ITPR1: variants seen among roughly 807,000 people sequenced by gnomAD.
ITPR1 encodes the protein inositol 1,4,5-trisphosphate receptor type 1.
ITPR1 carries 96 observed loss-of-function variants against 318.4 expected under a neutral mutation model. The observed-to-expected ratio is 0.30, with a 90% confidence interval of 0.26 to 0.36. ITPR1 has a LOEUF of 0.36. Among genes scored for constraint, ITPR1 ranks in the 10% least tolerant of loss-of-function variants. ITPR1 has a pLI of 1.00. For synonymous variants in ITPR1, 1,312 were observed against 1,289.9 expected, an observed-to-expected ratio of 1.02 and a Z score of -0.37; for missense variants, 2,440 against 3,460.2, an observed-to-expected ratio of 0.71 and a Z score of 7.40.
At chr3:4,740,872 G>A (rs990091516) in intron 44 of ITPR1, among the ~76,000 whole-genome samples, 8 of 152,278 alleles carry the variant, frequency 5.3e-5, no homozygotes, top group African/African-American at 2.4e-5. Flanking sequence ...GAGAACTTCC[G>A]GCTTTCTTTC....
chr3:4,695,267 T>C (rs2094540012), intron 33 of ITPR1, among the ~76,000 whole-genome samples: 1 of 152,236 alleles, frequency 6.6e-6, no homozygotes, highest in Admixed American at 6.5e-5. Flanking sequence ...ATCTGGCAGG[T>C]GAAAATGGTC....
intron 4 of ITPR1, among the ~76,000 whole-genome samples, chr3:4,529,170 ACCT>A (rs2083217197): frequency 2.0e-5 from 3 of 152,256 alleles, no homozygotes; most frequent in Admixed American, 1.3e-4. Flanking sequence ...TTTTTTGCAT[ACCT>A]GAGTCACCCT....
chr3:4,586,017 G>A (rs2089862410), intron 4 of ITPR1, among the ~76,000 whole-genome samples: 1 of 150,928 alleles, frequency 6.6e-6, no homozygotes, highest in African/African-American at 2.4e-5. Flanking sequence ...AGAACATGTA[G>A]TGTTTGGTTT....
chr3:4,840,022 A>G (rs1174436592), intron 61 of ITPR1, among the ~76,000 whole-genome samples: 1 of 122,618 alleles, frequency 8.2e-6, no homozygotes, highest in Non-Finnish European at 1.7e-5. Flanking sequence ...AAAATTCAGC[A>G]TAGCTGCTTT....
intron 38 of ITPR1, among the ~76,000 whole-genome samples, chr3:4,711,358 C>G (rs1433339643): frequency 2.0e-5 from 3 of 152,060 alleles, no homozygotes; most frequent in African/African-American, 7.2e-5. Flanking sequence ...GTGTATTGGC[C>G]TCAACCATCA....
intron 11 of ITPR1, among the ~76,000 whole-genome samples, chr3:4,652,989 A>G (rs2093630514): frequency 6.6e-6 from 1 of 152,170 alleles, no homozygotes; most frequent in African/African-American, 2.4e-5. Flanking sequence ...CTCTGTCTCA[A>G]AAAAAATGTC....
intron 4 of ITPR1, among the ~76,000 whole-genome samples, chr3:4,535,643 C>T (rs887232232): frequency 6.6e-6 from 1 of 151,590 alleles, no homozygotes; most frequent in African/African-American, 2.4e-5. Flanking sequence ...GACGGGGTTT[C>T]ACTGTGTTAG....
chr3:4,823,618 T>C (rs561039167), intron 60 of ITPR1, among the ~76,000 whole-genome samples: 4 of 151,818 alleles, frequency 2.6e-5, no homozygotes, highest in African/African-American at 9.7e-5. Flanking sequence ...AAAAACAAAA[T>C]TGATCACGTG....
intron 4 of ITPR1, among the ~76,000 whole-genome samples, chr3:4,572,159 A>G (rs543528169): frequency 6.6e-6 from 1 of 152,176 alleles, no homozygotes; most frequent in Non-Finnish European, 1.5e-5. Context: ...CTGATGACTC[A>G]TAAGTTTCTG....
chr3:4,587,265 C>T (rs1470508247), intron 4 of ITPR1, among the ~76,000 whole-genome samples: 3 of 145,182 alleles, frequency 2.1e-5, no homozygotes, highest in African/African-American at 5.2e-5. Context: ...GTTCACACTT[C>T]TCATGGTTTT....
At chr3:4,558,833 CTTTTTT>C (rs139536328) in intron 4 of ITPR1, among the ~76,000 whole-genome samples, 1 of 147,016 alleles carries the variant, frequency 6.8e-6, no homozygotes, top group Non-Finnish European at 1.5e-5. Flanking sequence ...TGTCTTTTTT[CTTTTTT>C]TTTTGCTGGT....
chr3:4,645,814 T>A lies in ITPR1; in HGVS notation c.855+86T>A, dbSNP rs41289624. On this transcript the variant is annotated intron_variant, in intron 10 of 61. Coordinates refer to ENST00000649015, the MANE Select transcript of ITPR1 (RefSeq NM_001378452.1). The stretch of plus-strand genomic sequence containing the variant: ...CTCTCTCTCTCTATCCTACAAATAT[T>A]CATACATACATATACCTATATGTGT... 0.14 allele frequency: 171,375 copies of A among 1,246,430 alleles called. 13,041 individuals carry two copies. The highest frequency in any genetic ancestry group is 0.19 in the African/African-American group (13,156 of 67,506). The allele number at this position is 1,246,430 out of a possible 1,614,324, so 77.2% of individuals were successfully genotyped here. A position where few individuals can be genotyped will look rare whatever the true frequency, so the allele number is the denominator to read the frequency against.
chr3:4,835,929 G>T (rs2050878695), intron 60 of ITPR1, among the ~76,000 whole-genome samples: 1 of 152,132 alleles, frequency 6.6e-6, no homozygotes, highest in African/African-American at 2.4e-5. Context: ...TAGGCTAGTT[G>T]CCAGCACCCA....
chr3:4,645,768 A>T (rs1223463860), intron 10 of ITPR1, 40 bp downstream of exon 10: 28 of 1,564,174 alleles, frequency 1.8e-5, no homozygotes, highest in Non-Finnish European at 2.4e-5. Flanking sequence ...GGTTTAGAGG[A>T]TATCAGCCTG....
chr3:4,508,325 A>C (rs1394006360), intron 2 of ITPR1, among the ~76,000 whole-genome samples: 1 of 152,064 alleles, frequency 6.6e-6, no homozygotes, highest in Non-Finnish European at 1.5e-5. Flanking sequence ...ATTTCCTCCC[A>C]AGCCTGTCCA....
At chr3:4,725,044 A>G (rs2042408582) in intron 40 of ITPR1, among the ~76,000 whole-genome samples, 1 of 152,154 alleles carries the variant, frequency 6.6e-6, no homozygotes, top group Non-Finnish European at 1.5e-5. Context: ...GCTGTAGGAC[A>G]GGATGTGGAG....
At chr3:4,671,914 A>G (rs1010862417) in intron 20 of ITPR1, 12 of 152,306 alleles carry the variant, frequency 7.9e-5, no homozygotes, top group Middle Eastern at 3.4e-3. Context: ...TTAAAATTTT[A>G]TATAAATGGG....
intron 4 of ITPR1, among the ~76,000 whole-genome samples, chr3:4,607,682 G>A (rs1424714129): frequency 6.6e-6 from 1 of 152,096 alleles, no homozygotes; most frequent in Non-Finnish European, 1.5e-5. Context: ...CTGCTGATTT[G>A]TGGGGGTGCA....
At chr3:4,756,675 GC>G (rs1448490716) in intron 44 of ITPR1, among the ~76,000 whole-genome samples, 2 of 151,824 alleles carry the variant, frequency 1.3e-5, no homozygotes, top group African/African-American at 4.8e-5. Context: ...TCTTTTTCAT[GC>G]CGTCCAAACT....
Sources: allele counts gnomAD v4.1 joint callset (sites outside exome capture counted in the v4.1 genomes callset), GRCh38; gene constraint gnomAD v4.1.1; transcripts MANE v1.5; gene names NCBI Gene and HGNC (gene_info 2026-07-23, HGNC 2026-07-21).